Variants in ADAM23 observed in about 807,000 individuals in gnomAD.
ADAM23 encodes the protein disintegrin and metalloproteinase domain-containing protein 23.
A neutral mutation model predicts 120.1 loss-of-function variants in ADAM23; 33 were observed. The observed-to-expected ratio is 0.27, with a 90% CI of 0.21 to 0.37. The LOEUF (loss-of-function observed/expected upper bound fraction) is 0.37, where lower values mean the gene tolerates loss of function less well. Among genes scored for constraint, ADAM23 ranks in the 10% least tolerant of loss-of-function variants. ADAM23 has a pLI of 1.00. For missense variants in ADAM23, 862 were observed against 1,058.2 expected, an observed-to-expected ratio of 0.81 and a Z score of 2.57; for synonymous variants, 367 against 375.2, an observed-to-expected ratio of 0.98 and a Z score of 0.25.
At chr2:206,518,249 G>A (rs1696773137) in intron 3 of ADAM23, among the ~76,000 whole-genome samples, 1 of 152,066 alleles carries the variant, frequency 6.6e-6, no homozygotes, top group African/African-American at 2.4e-5. Flanking sequence ...ATGATTTCAG[G>A]ACATATATTT....
chr2:206,570,896 G>A, intron 16 of ADAM23, 85 bp downstream of exon 16: 1 of 1,182,778 alleles, frequency 8.5e-7, no homozygotes, highest in Non-Finnish European at 1.2e-6. Flanking sequence ...CCAGCACATT[G>A]ATTGTGGTCT....
chr2:206,514,028 A>G (rs1696681417), intron 3 of ADAM23, among the ~76,000 whole-genome samples: 1 of 152,200 alleles, frequency 6.6e-6, no homozygotes, highest in Non-Finnish European at 1.5e-5. Context: ...TTGACAATGC[A>G]CCTGGCCACC....
intron 3 of ADAM23, among the ~76,000 whole-genome samples, chr2:206,488,151 A>G (rs768542670): frequency 1.3e-5 from 2 of 152,220 alleles, no homozygotes; most frequent in Non-Finnish European, 2.9e-5. Context: ...ACAGAGCCCA[A>G]CCTTCTTGCT....
intron 25 of ADAM23, among the ~76,000 whole-genome samples, chr2:206,615,751 A>G (rs1321617797): frequency 6.6e-6 from 1 of 152,212 alleles, no homozygotes; most frequent in East Asian, 1.9e-4. Context: ...ATATTTCTGC[A>G]AAAAGGTGCA....
chr2:206,474,109 A>T lies in ADAM23; in HGVS notation c.433-7123A>T, dbSNP rs549576573. Among the ~76,000 whole-genome samples, 6 of 152,300 alleles carry T rather than the reference A, an allele frequency of 3.9e-5. No homozygotes were observed. The South Asian group carries it at 1.2e-3, about 32-fold the overall frequency. On this transcript the variant is annotated intron_variant, in intron 2 of 25. Coordinates refer to ENST00000264377, the MANE Select transcript of ADAM23 (RefSeq NM_003812.4). The stretch of plus-strand genomic sequence containing the variant: ...TTACATAAGGTAGGTATTTAATACA[A>T]ATTGTTGCTGGTTAGCCCATAATAC...
At chr2:206,574,077 G>A (rs909309637) in intron 18 of ADAM23, among the ~76,000 whole-genome samples, 1 of 152,122 alleles carries the variant, frequency 6.6e-6, no homozygotes, top group Non-Finnish European at 1.5e-5. Flanking sequence ...ATGATTTCTT[G>A]TTATGAATGC....
At chr2:206,558,652 AATCTTAACCAC>A (rs1331469285) in intron 10 of ADAM23, among the ~76,000 whole-genome samples, 2 of 152,160 alleles carry the variant, frequency 1.3e-5, no homozygotes, top group African/African-American at 4.8e-5. Context: ...TGGAAAAGAG[AATCTTAACCAC>A]ATCTTTTCCT....
intron 3 of ADAM23, 88 bp from the exon 4 acceptor site, chr2:206,530,797 G>A (rs1574516258): frequency 4.1e-6 from 4 of 985,820 alleles, no homozygotes; most frequent in East Asian, 6.4e-5. Context: ...TGGTTTGCAT[G>A]CCCCTCACGT....
intron 3 of ADAM23, among the ~76,000 whole-genome samples, chr2:206,523,441 AT>A (rs1251509789): frequency 2.0e-5 from 3 of 152,196 alleles, no homozygotes; most frequent in Non-Finnish European, 2.9e-5. Flanking sequence ...CAAAGCCTCT[AT>A]GCAACCTATA....
chr2:206,480,772 A>G (rs944127705), intron 2 of ADAM23, among the ~76,000 whole-genome samples: 3 of 152,188 alleles, frequency 2.0e-5, no homozygotes, highest in African/African-American at 7.2e-5. Context: ...TTTTACTGTC[A>G]TATTCTGCTG....
At chr2:206,492,851 G>A (rs553627421) in intron 3 of ADAM23, among the ~76,000 whole-genome samples, 2 of 152,060 alleles carry the variant, frequency 1.3e-5, no homozygotes, top group South Asian at 2.1e-4. Context: ...CATAGCAGAC[G>A]TTTTCAGTGA....
At chr2:206,594,937 T>G in intron 23 of ADAM23, 32 bp downstream of exon 23, 1 of 1,612,348 alleles carries the variant, frequency 6.2e-7, no homozygotes, top group Non-Finnish European at 8.5e-7. Context: ...AGCTGGAACC[T>G]TCATGGTCTG....
chr2:206,587,326 G>A lies in ADAM23; in HGVS notation c.1739G>A (p.Cys580Tyr). The A allele has an allele frequency of 6.2e-7, 1 of 1,605,798 alleles. No homozygotes were observed. Among genetic ancestry groups the A allele is most frequent in the Non-Finnish European group, 8.5e-7 (1 of 1,175,104 alleles). The change falls in exon 19 of 26, where the codon TGC becomes TAC. Residue 580 changes from cysteine to tyrosine, a missense_variant and splice_region_variant. Cys to Tyr is a radical substitution (Grantham distance 194, BLOSUM62 -2). Transcript: ENST00000264377. ...AACTAAAAAGATAATATTTTGCAGTGCCCACCAAATCTTCATAAGCAAGAC... is the reference window on the plus strand; with the variant it reads ...AACTAAAAAGATAATATTTTGCAGTACCCACCAAATCTTCATAAGCAAGAC... ...TEYCTGDSGQ[C>Y]PPNLHKQDGY...
chr2:206,501,511 G>A lies in ADAM23; in HGVS notation c.509+20203G>A, dbSNP rs150614405. ...TCCCAAAGATAACAGCCAAAGTTCT[G>A]TTCGTATGTGTTTACCTAGAATATA... is the stretch of plus-strand genomic sequence containing the variant. On this transcript the variant is annotated intron_variant, in intron 3 of 25. Coordinates refer to ENST00000264377, the MANE Select transcript of ADAM23 (RefSeq NM_003812.4). 4.2e-3 allele frequency among the ~76,000 whole-genome samples: 636 copies of A among 152,076 alleles called. 6 individuals carry two copies. The highest frequency in any genetic ancestry group is 0.014 in the African/African-American group (598 of 41,498).
chr2:206,585,624 A>G (rs1018724786), intron 18 of ADAM23, among the ~76,000 whole-genome samples: 1 of 152,226 alleles, frequency 6.6e-6, no homozygotes, highest in African/African-American at 2.4e-5. Flanking sequence ...TTATTGAGTC[A>G]TTCATTTATT....
chr2:206,462,571 C>T (rs1695446505), intron 2 of ADAM23, among the ~76,000 whole-genome samples: 1 of 152,144 alleles, frequency 6.6e-6, no homozygotes, highest in Admixed American at 6.5e-5. Context: ...AGCAGCGGGA[C>T]TTAGGGTTAG....
At position 206,582,413 on chromosome 2, in the gene ADAM23, CTTTAAG is replaced by C. The variant is rs567557295; in HGVS notation, c.1738-4907_1738-4902del. Among the ~76,000 whole-genome samples the C allele has an allele frequency of 3.4e-3, 516 of 152,218 alleles. 3 individuals are homozygous for C. Among genetic ancestry groups the C allele is most frequent in the African/African-American group, 0.011 (477 of 41,526 alleles). ...TTGGAATGCCTTTTCCACCCCTTTA[CTTTAAG>C]TTTATGTGAGTGTTTATGTGTCAGG... On this transcript the variant is annotated intron_variant, in intron 18 of 25. Coordinates refer to ENST00000264377, the MANE Select transcript of ADAM23 (RefSeq NM_003812.4).
chr2:206,515,146 TC>T (rs574186932), intron 3 of ADAM23, among the ~76,000 whole-genome samples: 20 of 152,138 alleles, frequency 1.3e-4, no homozygotes, highest in Admixed American at 3.3e-4. Flanking sequence ...AATTTCACCT[TC>T]CTGTGTACAA....
At chr2:206,446,175 C>G (rs920285361) in intron 2 of ADAM23, among the ~76,000 whole-genome samples, 1 of 152,184 alleles carries the variant, frequency 6.6e-6, no homozygotes, top group Non-Finnish European at 1.5e-5. Context: ...TGAGCAGTTG[C>G]TTTACTTTCA....
Sources: allele counts gnomAD v4.1 joint callset (sites outside exome capture counted in the v4.1 genomes callset), GRCh38; gene constraint gnomAD v4.1.1; transcripts MANE v1.5; gene names NCBI Gene and HGNC (gene_info 2026-07-23, HGNC 2026-07-21).